Variants in ARHGAP6 observed in about 807,000 individuals in gnomAD.
ARHGAP6 encodes rho GTPase-activating protein 6.
In ARHGAP6, 16 loss-of-function variants were observed where a neutral mutation model predicts 55.7. The observed-to-expected ratio is 0.29, with a 90% confidence interval of 0.19 to 0.44. The LOEUF is 0.44. Among genes scored for constraint, ARHGAP6 ranks in the 20% least tolerant of loss-of-function variants. The pLI is 1.00. For synonymous variants in ARHGAP6, 382 were observed against 360.9 expected, an observed-to-expected ratio of 1.06 and a Z score of -0.66; for missense variants, 698 against 808.9, an observed-to-expected ratio of 0.86 and a Z score of 1.66.
chrX:11,394,421 T>C (rs1003884098), intron 1 of ARHGAP6, among the ~76,000 whole-genome samples: 1 of 111,736 alleles, frequency 8.9e-6, no homozygotes, highest in African/African-American at 3.2e-5. Context: ...AACAATTTCA[T>C]TGGGATGATG....
At chrX:11,362,471 C>T (rs896435986) in intron 1 of ARHGAP6, among the ~76,000 whole-genome samples, 1 of 109,252 alleles carries the variant, frequency 9.2e-6, no homozygotes, top group African/African-American at 3.3e-5. Flanking sequence ...CACATGGACA[C>T]AGGAAGGGGA....
intron 1 of ARHGAP6, among the ~76,000 whole-genome samples, chrX:11,432,676 A>G (rs149935670): frequency 0.086 from 9,598 of 111,626 alleles, 445 homozygotes; most frequent in East Asian, 0.18. Context: ...AAGGAAATCA[A>G]ACTCCAGGAT....
chrX:11,362,219 A>G lies in ARHGAP6; in HGVS notation c.589-107512T>C, dbSNP rs371238397. 9.3e-3 allele frequency among the ~76,000 whole-genome samples: 1,037 copies of G among 111,809 alleles called. 12 individuals are homozygous for G. Among genetic ancestry groups the G allele is most frequent in the African/African-American group, 0.031 (942 of 30,692 alleles). On this transcript the variant is annotated intron_variant, in intron 1 of 12. Transcript: ENST00000337414. ...ACACATGCACACGTATGTTTATTGC[A>G]GCACTATTCACAATAGCAAAGTCTT...
intron 1 of ARHGAP6, among the ~76,000 whole-genome samples, chrX:11,538,902 G>A (rs910377338): frequency 4.8e-5 from 5 of 105,083 alleles, no homozygotes; most frequent in Non-Finnish European, 7.8e-5. Context: ...AGGCTGGAGT[G>A]CAGCTGCAGT....
At chrX:11,426,273 G>A (rs1238981434) in intron 1 of ARHGAP6, among the ~76,000 whole-genome samples, 1 of 111,328 alleles carries the variant, frequency 9.0e-6, no homozygotes, top group Non-Finnish European at 1.9e-5. Context: ...GGAGCCCCGA[G>A]GTGACACCAG....
At chrX:11,366,755 T>C (rs756754588) in intron 1 of ARHGAP6, among the ~76,000 whole-genome samples, 1 of 112,142 alleles carries the variant, frequency 8.9e-6, no homozygotes, top group Admixed American at 9.5e-5. Context: ...AAGATGTTTT[T>C]CCCCTTTTAA....
At position 11,138,672 on chromosome X, in the gene ARHGAP6, C is replaced by T; in HGVS notation, c.*191G>A. The T allele has an allele frequency of 4.2e-6, 2 of 474,786 alleles. No homozygotes were observed. Among genetic ancestry groups the T allele is most frequent in the Non-Finnish European group, 3.5e-6 (1 of 288,351 alleles). 39.1% of individuals were successfully genotyped at this position (474,786 alleles called of 1,213,427 possible). A position where few individuals can be genotyped will look rare whatever the true frequency, so the allele number is the denominator to read the frequency against. ...TGTTTGTTTTTCCTAAGGCTGGCTA[C>T]GCAATGGAACCTTATTCTCAATGGC... On this transcript the variant is annotated 3_prime_UTR_variant, in exon 13 of 13. Transcript: ENST00000337414.
chrX:11,575,502 T>C (rs956138405), intron 1 of ARHGAP6, among the ~76,000 whole-genome samples: 1 of 111,471 alleles, frequency 9.0e-6, no homozygotes, highest in African/African-American at 3.3e-5. Flanking sequence ...AAAGAGGAAC[T>C]AGATACCAGA....
At chrX:11,410,297 A>G (rs1017485346) in intron 1 of ARHGAP6, among the ~76,000 whole-genome samples, 2 of 112,632 alleles carry the variant, frequency 1.8e-5, no homozygotes, top group African/African-American at 6.4e-5. Context: ...TGGTGATAAA[A>G]AGGAATGAAG....
intron 1 of ARHGAP6, chrX:11,300,880 G>A: frequency 7.8e-6 from 2 of 255,080 alleles, no homozygotes; most frequent in Non-Finnish European, 7.1e-6. Flanking sequence ...TTCACCATTT[G>A]GCAAGCAAAT....
chrX:11,229,279 T>C lies in ARHGAP6; in HGVS notation c.748+25269A>G, dbSNP rs192089290. Among the ~76,000 whole-genome samples, 759 of 112,053 alleles carry C rather than the reference T, an allele frequency of 6.8e-3. 25 individuals carry two copies. In the Admixed American group the frequency reaches 0.068, roughly 10 times the overall value. On this transcript the variant is annotated intron_variant, in intron 2 of 12. Transcript: ENST00000337414. Reference sequence around the variant, plus strand: ...GTGTTCTTGAAAAAAATTAAACTACTATAAATGATTGAGACAACTGAGCAG... The same window carrying C: ...GTGTTCTTGAAAAAAATTAAACTACCATAAATGATTGAGACAACTGAGCAG...
chrX:11,599,624 G>C (rs776183208), intron 1 of ARHGAP6, among the ~76,000 whole-genome samples: 1 of 111,840 alleles, frequency 8.9e-6, no homozygotes, highest in African/African-American at 3.2e-5. Flanking sequence ...AGGGGCTGGG[G>C]GAACAGGGAA....
chrX:11,181,776 T>C (rs751816693), intron 6 of ARHGAP6, among the ~76,000 whole-genome samples: 1 of 112,419 alleles, frequency 8.9e-6, no homozygotes, highest in Non-Finnish European at 1.9e-5. Flanking sequence ...ACTCTGAATT[T>C]CCTGCTTTTG....
chrX:11,185,209 T>G (rs1012711994), intron 5 of ARHGAP6, among the ~76,000 whole-genome samples: 5 of 108,992 alleles, frequency 4.6e-5, no homozygotes, highest in African/African-American at 1.3e-4. Flanking sequence ...GAGATGTATA[T>G]TCAAGATACA....
chrX:11,344,367 T>A (rs898602410), intron 1 of ARHGAP6, among the ~76,000 whole-genome samples: 1 of 110,840 alleles, frequency 9.0e-6, no homozygotes, highest in Non-Finnish European at 1.9e-5. Context: ...AGCAGTACAG[T>A]AGAATCAATT....
intron 1 of ARHGAP6, among the ~76,000 whole-genome samples, chrX:11,290,913 C>A (rs758376502): frequency 8.9e-6 from 1 of 112,142 alleles, no homozygotes; most frequent in South Asian, 3.7e-4. Flanking sequence ...TTTCAGTTCA[C>A]GCATACTTTT....
intron 1 of ARHGAP6, among the ~76,000 whole-genome samples, chrX:11,610,313 C>G (rs1285538157): frequency 9.0e-6 from 1 of 110,710 alleles, no homozygotes; most frequent in Non-Finnish European, 1.9e-5. Flanking sequence ...GGCACTGTGC[C>G]TGCTCTGCCT....
intron 1 of ARHGAP6, among the ~76,000 whole-genome samples, chrX:11,426,316 T>C (rs1405288196): frequency 9.0e-6 from 1 of 110,642 alleles, no homozygotes; most frequent in Non-Finnish European, 1.9e-5. Context: ...GATGCCTGAG[T>C]CCACCACCCC....
intron 1 of ARHGAP6, among the ~76,000 whole-genome samples, chrX:11,528,109 T>A (rs1202239096): frequency 8.9e-6 from 1 of 112,147 alleles, no homozygotes; most frequent in Non-Finnish European, 1.9e-5. Flanking sequence ...ATGGCTGGAT[T>A]CCTTTTAGGA....
Sources: allele counts gnomAD v4.1 joint callset (sites outside exome capture counted in the v4.1 genomes callset), GRCh38; gene constraint gnomAD v4.1.1; transcripts MANE v1.5; gene names NCBI Gene and HGNC (gene_info 2026-07-23, HGNC 2026-07-21).